Variants in SCN9A observed in about 807,000 individuals in gnomAD.
The protein encoded by SCN9A is sodium voltage-gated channel alpha subunit 9.
SCN9A carries 131 observed loss-of-function variants against 187.0 expected under a neutral mutation model. That is an observed-to-expected ratio of 0.70 (90% CI 0.61 to 0.81). The LOEUF (loss-of-function observed/expected upper bound fraction) is 0.81, where lower values mean the gene tolerates loss of function less well. Ranked by LOEUF, SCN9A falls within the 30% of genes least tolerant of loss-of-function variation. SCN9A has a pLI of 0.00. For synonymous variants in SCN9A, 809 were observed against 808.6 expected, an observed-to-expected ratio of 1.00 and a Z score of -0.01; for missense variants, 2,252 against 2,396.6, an observed-to-expected ratio of 0.94 and a Z score of 1.26.
rs1189197137 is a variant in SCN9A, at chr2:166,317,063, TTAA to T, written c.-50-5260_-50-5258del. Among the ~76,000 whole-genome samples, 6 of 151,944 alleles carry T rather than the reference TTAA, an allele frequency of 3.9e-5. 1 individual carries two copies. The highest frequency in any genetic ancestry group is 3.3e-4 in the Admixed American group (5 of 15,260). On this transcript the variant is annotated intron_variant, in intron 1 of 26. Coordinates refer to ENST00000642356, the MANE Select transcript of SCN9A (RefSeq NM_001365536.1). ...GGTTATACACACAGATAGATGTAAA[TTAA>T]TAATAATTTTTAAAATGATATTTAA...
At chr2:166,297,948 A>G (rs1698389381) in intron 7 of SCN9A, among the ~76,000 whole-genome samples, 1 of 151,616 alleles carries the variant, frequency 6.6e-6, no homozygotes, top group African/African-American at 2.4e-5. Context: ...TTTTAAATTA[A>G]TTTTCAAGAT....
At chr2:166,286,261 C>T in intron 11 of SCN9A, 75 bp downstream of exon 11, 2 of 1,418,346 alleles carry the variant, frequency 1.4e-6, no homozygotes, top group Non-Finnish European at 1.9e-6. Flanking sequence ...CTCCCGAGTT[C>T]TCTTACCCTA....
intron 1 of SCN9A, among the ~76,000 whole-genome samples, chr2:166,349,429 TC>T (rs1326006371): frequency 6.6e-5 from 10 of 152,370 alleles, no homozygotes; most frequent in Middle Eastern, 3.4e-3. Context: ...GTATTTGTTA[TC>T]ATTTTCTAAA....
chr2:166,307,037 C>G lies in SCN9A; in HGVS notation c.296G>C (p.Arg99Pro). ...IVLNKGKTIFRFNATPALYML... is the reference protein window; with the variant it reads ...IVLNKGKTIFPFNATPALYML... ...ATATAAAGCAGGTGTGGCATTGAAA[C>G]GGAAGATTGTTTTCCCTTTGTTCAA... The change falls in exon 3 of 27, where the codon CGT (arginine) becomes CCT (proline). Residue 99 changes from arginine (R) to proline (P), a missense_variant. Arg to Pro is a moderately radical substitution (Grantham distance 103, BLOSUM62 -2). Transcript: ENST00000642356. The G allele has an allele frequency of 6.2e-7, 1 of 1,611,250 alleles. No individual in the cohort carries two copies. The highest frequency in any genetic ancestry group is 8.5e-7 in the Non-Finnish European group (1 of 1,177,806).
intron 1 of SCN9A, among the ~76,000 whole-genome samples, chr2:166,342,224 T>C (rs1440597040): frequency 1.3e-5 from 2 of 152,206 alleles, no homozygotes; most frequent in African/African-American, 4.8e-5. Context: ...TAAAATCGTT[T>C]AGAATCTTTG....
At chr2:166,245,327 G>A (rs182882792) in intron 18 of SCN9A, among the ~76,000 whole-genome samples, 27 of 152,026 alleles carry the variant, frequency 1.8e-4, no homozygotes, top group African/African-American at 6.0e-4. Flanking sequence ...AATGATATAA[G>A]TACACATTTT....
intron 24 of SCN9A, among the ~76,000 whole-genome samples, chr2:166,211,858 A>G (rs930582936): frequency 2.0e-5 from 3 of 152,132 alleles, no homozygotes; most frequent in Admixed American, 2.0e-4. Context: ...AGAGAAAAAG[A>G]CAGAAAAAAA....
At chr2:166,300,828 A>G (rs1189499566) in intron 7 of SCN9A, 3 of 151,122 alleles carry the variant, frequency 2.0e-5, no homozygotes, top group Admixed American at 6.6e-5. Flanking sequence ...ATTATTAGCT[A>G]ATTGTCATGC....
Position 166,199,281 on chromosome 2 carries a change from C to T in SCN9A, c.5358G>A (p.Trp1786Ter), listed in dbSNP as rs936563850. Reference protein sequence around the residue: ...EDDFEMFYEVWEKFDPDATQF... With the variant: ...EDDFEMFYEV ...GGGTCGCATCGGGATCAAACTTCTC[C>T]CAAACCTCATAGAACATCTCAAAGT... is the stretch of plus-strand genomic sequence containing the variant. Residue 1786 changes from tryptophan to a stop codon, truncating the protein, a stop_gained, in exon 27 of 27, where the codon TGG becomes TGA. Transcript: ENST00000642356. LOFTEE classifies it high-confidence loss of function. 2.5e-6 allele frequency: 4 copies of T among 1,614,006 alleles called. No individual in the cohort carries two copies. Among genetic ancestry groups the T allele is most frequent in the East Asian group, 2.2e-5 (1 of 44,882 alleles).
intron 24 of SCN9A, among the ~76,000 whole-genome samples, chr2:166,213,779 C>T (rs554927023): frequency 5.3e-5 from 8 of 152,160 alleles, no homozygotes; most frequent in South Asian, 2.1e-4. Context: ...CTCTCATGGA[C>T]GTACCAAGTA....
chr2:166,226,730 T>G, intron 23 of SCN9A, 26 bp from the exon 24 acceptor site: 1 of 1,514,706 alleles, frequency 6.6e-7, no homozygotes, highest in Non-Finnish European at 8.9e-7. Flanking sequence ...AAGTTAGCAT[T>G]ATATGGACAG....
In SCN9A at chr2:166,277,219, A is replaced by C; in HGVS notation, c.2638T>G (p.Phe880Val). Residue 880 changes from phenylalanine to valine, a missense_variant, in exon 16 of 27, where the codon TTT becomes GTT. By Grantham distance (50) the Phe-to-Val change is conservative. Coordinates refer to ENST00000642356, the MANE Select transcript of SCN9A (RefSeq NM_001365536.1). ...TLVLAIIVFI[F>V]AVVGMQLFGK... is the part of the protein sequence containing the mutation. ...AAGAGCTGCATGCCGACCACAGCAA[A>C]AATGAAGACGATGATGGCCAACACT... is the stretch of plus-strand genomic sequence containing the variant. 1 of 1,614,128 alleles carries C rather than the reference A, an allele frequency of 6.2e-7. No individual in the cohort carries two copies. Among genetic ancestry groups the C allele is most frequent in the Non-Finnish European group, 8.5e-7 (1 of 1,180,004 alleles).
chr2:166,238,088 A>T lies in SCN9A; in HGVS notation c.3801+6T>A. The T allele has an allele frequency of 6.2e-7, 1 of 1,604,200 alleles. No individual in the cohort carries two copies. Among genetic ancestry groups the T allele is most frequent in the Non-Finnish European group, 8.5e-7 (1 of 1,173,400 alleles). On this transcript the variant is annotated splice_donor_region_variant and intron_variant, in intron 20 of 26. Transcript: ENST00000642356. ...CCTCTTTTAAAATGTACTCAAAAGT[A>T]CCTACATCAACAATTAGGAAATCCA...
intron 1 of SCN9A, among the ~76,000 whole-genome samples, chr2:166,368,489 C>T (rs748504526): frequency 1.1e-4 from 17 of 151,960 alleles, no homozygotes; most frequent in Admixed American, 5.2e-4. Context: ...CAAAATTAGC[C>T]GGGCATGGTG....
chr2:166,355,944 T>C (rs1230244989), intron 1 of SCN9A, among the ~76,000 whole-genome samples: 1 of 152,140 alleles, frequency 6.6e-6, no homozygotes, highest in African/African-American at 2.4e-5. Flanking sequence ...AGCTAATTTT[T>C]GTATTTTTAG....
chr2:166,269,858 A>ACAC, intron 17 of SCN9A, among the ~76,000 whole-genome samples: 1 of 152,218 alleles, frequency 6.6e-6, no homozygotes, highest in Admixed American at 6.6e-5. Context: ...AAGTGCTTTA[A>ACAC]CACCTAGAAT....
chr2:166,202,539 A>C (rs1263911265), intron 26 of SCN9A, among the ~76,000 whole-genome samples: 8 of 151,772 alleles, frequency 5.3e-5, no homozygotes, highest in African/African-American at 1.9e-4. Flanking sequence ...TATTACCCAC[A>C]CTACATAAAA....
intron 1 of SCN9A, among the ~76,000 whole-genome samples, chr2:166,333,502 C>G (rs1225741647): frequency 6.6e-6 from 1 of 152,074 alleles, no homozygotes; most frequent in Non-Finnish European, 1.5e-5. Flanking sequence ...TGAAGTCCAG[C>G]TTATAAGTCC....
rs536150034 is a variant in SCN9A at position 166,203,859 on chromosome 2, T to A, written c.4774+96A>T. On this transcript the variant is annotated intron_variant, in intron 26 of 26. Transcript: ENST00000642356. The stretch of plus-strand genomic sequence containing the variant: ...TTCATTGTACTGACTTACTCAAGAG[T>A]AAATTTGTGTTCAAGAATTCAGCAT... The A allele has an allele frequency of 1.1e-4, 85 of 758,626 alleles. No homozygotes were observed. The South Asian group carries it at 1.6e-3, about 14-fold the overall frequency. The allele number at this position is 758,626 out of a possible 1,614,324, so 47.0% of individuals were successfully genotyped here.
Sources: gnomAD v4.1 joint callset for allele counts (sites outside exome capture counted in the v4.1 genomes callset) on GRCh38, gnomAD v4.1.1 for gene constraint, MANE v1.5 for transcripts, NCBI Gene and HGNC (gene_info 2026-07-23, HGNC 2026-07-21) for gene names.